The following PDE2A variants were observed in gnomAD, a reference collection of about 807,000 sequenced individuals.
The protein encoded by PDE2A is phosphodiesterase 2A, also known as cGMP-dependent 3',5'-cyclic phosphodiesterase.
PDE2A carries 53 observed loss-of-function variants against 133.6 expected under a neutral mutation model. The ratio of observed to expected loss-of-function variants is 0.40; its 90% CI spans 0.32 to 0.50. The LOEUF (loss-of-function observed/expected upper bound fraction) is 0.50, where lower values mean the gene tolerates loss of function less well. Among genes scored for constraint, PDE2A ranks in the 20% least tolerant of loss-of-function variants. The probability of loss-of-function intolerance (pLI) is 0.73; values close to 1 mark genes in which losing one functional copy is unlikely to be tolerated. For missense variants in PDE2A, 796 were observed against 1,232.4 expected (o/e 0.65, Z 5.30); for synonymous variants, 491 against 490.2 (o/e 1.00, Z -0.02).
intron 1 of PDE2A, among the ~76,000 whole-genome samples, chr11:72,655,511 G>C (rs925199096): frequency 1.3e-5 from 2 of 150,562 alleles, no homozygotes; most frequent in Non-Finnish European, 3.0e-5. Context: ...GTGCACGCAC[G>C]TGTGTGTGTG....
chr11:72,611,932 G>A (rs1269897457), intron 2 of PDE2A, among the ~76,000 whole-genome samples: 2 of 152,178 alleles, frequency 1.3e-5, no homozygotes, highest in Admixed American at 6.5e-5. Flanking sequence ...ATGAGGTGTG[G>A]GCTCAGAGGG....
At chr11:72,603,021 C>A (rs61660502) in intron 4 of PDE2A, among the ~76,000 whole-genome samples, 7,135 of 152,188 alleles carry the variant, frequency 0.047, 394 homozygotes, top group African/African-American at 0.13. Flanking sequence ...TGGGCCTTCC[C>A]CCAATCCTTT....
At chr11:72,596,544 C>G in intron 6 of PDE2A, 49 bp downstream of exon 6, 1 of 1,161,650 alleles carries the variant, frequency 8.6e-7, no homozygotes, top group Non-Finnish European at 1.2e-6. Context: ...CCACCACTCC[C>G]TCCCATGGTC....
rs113474192 is a variant in PDE2A, at chr11:72,637,604, G to A, written c.144+4650C>T. 6.0e-4 allele frequency among the ~76,000 whole-genome samples: 92 copies of A among 152,214 alleles called. 2 individuals are homozygous for A. Among genetic ancestry groups the A allele is most frequent in the Admixed American group, 2.7e-3 (41 of 15,290 alleles). On this transcript the variant is annotated intron_variant, in intron 2 of 30. Transcript: ENST00000334456. ...ATGTCAGTCCTAAGGCAGCAATTAG[G>A]GACAGTCTGCGGGAAGTGCCCAGGC... is the stretch of plus-strand genomic sequence containing the variant.
intron 1 of PDE2A, chr11:72,668,462 A>C: frequency 1.4e-6 from 1 of 710,384 alleles, no homozygotes; most frequent in South Asian, 1.5e-5. Context: ...ATTATGGCTT[A>C]ATACTTCTAT....
intron 2 of PDE2A, among the ~76,000 whole-genome samples, chr11:72,621,512 C>T (rs1448552664): frequency 2.0e-5 from 3 of 152,228 alleles, no homozygotes; most frequent in Non-Finnish European, 4.4e-5. Context: ...GTCCCACCTG[C>T]TCGGTGACAC....
At position 72,578,522 on chromosome 11, in the gene PDE2A, G is replaced by T; in HGVS notation, c.2470-8C>A. ...TTCTTTGTAGATCAGCTCCTGAAAG[G>T]CCAACACTCTCATCACATCCTCTAT... On this transcript the variant is annotated splice_region_variant and splice_polypyrimidine_tract_variant and intron_variant, in intron 28 of 30. Coordinates refer to ENST00000334456, the MANE Select transcript of PDE2A (RefSeq NM_002599.5). The surrounding 1 kb of genome is among the most constrained non-coding windows in gnomAD (Gnocchi z 4.2). 1.9e-6 allele frequency: 3 copies of T among 1,610,050 alleles called. No homozygotes were observed. The highest frequency in any genetic ancestry group is 2.6e-6 in the Non-Finnish European group (3 of 1,176,328).
intron 4 of PDE2A, among the ~76,000 whole-genome samples, chr11:72,599,358 C>T (rs902865403): frequency 6.6e-6 from 1 of 152,098 alleles, no homozygotes; most frequent in African/African-American, 2.4e-5. Flanking sequence ...GGAGCCTCCC[C>T]ACCACGTCCC....
In PDE2A at chr11:72,597,531, G is replaced by A. The variant is rs757994559; in HGVS notation, c.412C>T (p.Pro138Ser). The A allele has an allele frequency of 1.2e-6, 2 of 1,607,830 alleles. No individual in the cohort carries two copies. The highest frequency in any genetic ancestry group is 2.2e-5 in the East Asian group (1 of 44,826). The change falls in exon 5 of 31, where the codon CCA becomes TCA. Residue 138 changes from proline (P) to serine (S), a missense_variant. Coordinates refer to ENST00000334456, the MANE Select transcript of PDE2A (RefSeq NM_002599.5). The surrounding 1 kb of genome is among the most constrained non-coding windows in gnomAD (Gnocchi z 4.6). ...TTACCTTGGGTATCAGGAGCCAGTG[G>A]AGCCACCAGCCTGGCCAAGGGCTTC... ...PGKPLARLVA[P>S]LAPDTQVLVM...
intron 18 of PDE2A, 113 bp downstream of exon 18, chr11:72,584,438 T>C (rs968915206): frequency 2.1e-5 from 28 of 1,328,706 alleles, no homozygotes; most frequent in Non-Finnish European, 2.2e-5. Context: ...GGAACCCGAC[T>C]CCCTTATGCT....
In PDE2A at chr11:72,576,788, G is replaced by A. The variant is rs981508922; in HGVS notation, c.*596C>T. ...CTTCTCCCCAGGGCCCCTCTCTGCA[G>A]AGCACTGAGCTGCCCCTCTGGCAGC... On this transcript the variant is annotated 3_prime_UTR_variant, in exon 31 of 31. Transcript: ENST00000334456. The A allele has an allele frequency of 5.9e-6, 1 of 169,474 alleles. No homozygotes were observed. Among genetic ancestry groups the A allele is most frequent in the Non-Finnish European group, 1.5e-5 (1 of 68,526 alleles). The allele number at this position is 169,474 out of a possible 1,614,324, so 10.5% of individuals were successfully genotyped here.
At chr11:72,585,302 AG>A (rs773939330) in intron 16 of PDE2A, 68 bp downstream of exon 16, 76 of 1,293,368 alleles carry the variant, frequency 5.9e-5, no homozygotes, top group Non-Finnish European at 8.0e-5. Flanking sequence ...TGGGTGGGGC[AG>A]GAAAGGAGAT....
At chr11:72,665,598 C>T (rs1855212254) in intron 1 of PDE2A, among the ~76,000 whole-genome samples, 1 of 152,172 alleles carries the variant, frequency 6.6e-6, no homozygotes, top group Non-Finnish European at 1.5e-5. Context: ...TCTGGCCCCC[C>T]ATGGCAGCTA....
intron 2 of PDE2A, among the ~76,000 whole-genome samples, chr11:72,627,383 C>G (rs12099061): frequency 6.6e-6 from 1 of 152,156 alleles, no homozygotes; most frequent in African/African-American, 2.4e-5. Context: ...GAGACTGGCT[C>G]GGCCTGAGGT....
At chr11:72,667,480 AGGG>A (rs1443549423) in intron 1 of PDE2A, among the ~76,000 whole-genome samples, 3 of 152,162 alleles carry the variant, frequency 2.0e-5, no homozygotes, top group Admixed American at 6.5e-5. Flanking sequence ...CCATTTCAGC[AGGG>A]CCCTCATGTC....
intron 30 of PDE2A, among the ~76,000 whole-genome samples, chr11:72,577,905 G>C (rs954873329): frequency 3.9e-5 from 6 of 152,194 alleles, no homozygotes; most frequent in African/African-American, 1.4e-4. Context: ...CCAGGAGGGG[G>C]AGGTTGCAGT....
At chr11:72,629,723 G>C (rs150172982) in intron 2 of PDE2A, among the ~76,000 whole-genome samples, 1,846 of 152,278 alleles carry the variant, frequency 0.012, 39 homozygotes, top group African/African-American at 0.042. Context: ...TCAGGGGCCG[G>C]GAAAGAGTGA....
intron 2 of PDE2A, among the ~76,000 whole-genome samples, chr11:72,637,491 A>T (rs1858753967): frequency 1.3e-5 from 2 of 152,242 alleles, no homozygotes; most frequent in Non-Finnish European, 2.9e-5. Flanking sequence ...CTCAGACAGG[A>T]AGGGCACTGT....
At chr11:72,584,167 T>C in intron 19 of PDE2A, 34 bp downstream of exon 19, 12 of 554,764 alleles carry the variant, frequency 2.2e-5, no homozygotes, top group Non-Finnish European at 3.1e-5. Context: ...CCGCCCCCTA[T>C]CACCCCACAC....
Sources: gnomAD v4.1 joint callset for allele counts (sites outside exome capture counted in the v4.1 genomes callset) on GRCh38, gnomAD v4.1.1 for gene constraint, Gnocchi (gnomAD v3.1) non-coding constraint, MANE v1.5 for transcripts, NCBI Gene and HGNC (gene_info 2026-07-23, HGNC 2026-07-21) for gene names.